The following NSA2 variants were observed in gnomAD, a reference collection of about 807,000 sequenced individuals.
The protein encoded by NSA2 is ribosome biogenesis protein NSA2 homolog.
Under a neutral mutation model 34.8 loss-of-function variants are expected in NSA2, and 18 were observed. The observed-to-expected ratio is 0.52, with a 90% CI of 0.36 to 0.77. The LOEUF (loss-of-function observed/expected upper bound fraction) is 0.77. Ranked by LOEUF, NSA2 falls within the 30% of genes least tolerant of loss-of-function variation. The probability of loss-of-function intolerance (pLI) is 0.00; values close to 1 mark genes in which losing one functional copy is unlikely to be tolerated. For synonymous variants in NSA2, 79 were observed against 100.2 expected (o/e 0.79, Z 1.26); for missense variants, 188 against 314.7 (o/e 0.60, Z 3.05).
Position 74,769,017 on chromosome 5 carries a change from A to T in NSA2, c.90A>T (p.Arg30=), listed in dbSNP as rs1243903145. 1 of 1,611,756 alleles carries T rather than the reference A, an allele frequency of 6.2e-7. No individual in the cohort carries two copies. The change falls in exon 2 of 6, where the codon CGA becomes CGT. Residue 30 remains arginine, a synonymous_variant. Coordinates refer to ENST00000610426, the MANE Select transcript of NSA2 (RefSeq NM_014886.6). Reference sequence around the variant, plus strand: ...AGAAAAAGAGAAAGAAGGAAAGTCGAGAGGCTCATGAACGTTCAAAGAAGG... The same window carrying T: ...AGAAAAAGAGAAAGAAGGAAAGTCGTGAGGCTCATGAACGTTCAAAGAAGG... ...YHEKKRKKES[R]EAHERSKKAK...
chr5:74,778,326 G>A lies in NSA2; in HGVS notation c.*1655G>A, dbSNP rs1745225712. On this transcript the variant is annotated 3_prime_UTR_variant, in exon 6 of 6. Transcript: ENST00000610426. ...TTAAGATCTGTTTCAGTTTGCTGGT[G>A]TGACCAAACCTTAGAAGGTAATCCC... The A allele has an allele frequency of 6.6e-6, 1 of 151,980 alleles. No individual in the cohort carries two copies. Among genetic ancestry groups the A allele is most frequent in the African/African-American group, 2.4e-5 (1 of 41,408 alleles). 9.4% of individuals were successfully genotyped at this position (151,980 alleles called of 1,614,324 possible). A position where few individuals can be genotyped will look rare whatever the true frequency, so the allele number is the denominator to read the frequency against.
rs371333349 is a variant in NSA2 at position 74,769,376 on chromosome 5, C to T, written c.342+12C>T. 6.3e-6 allele frequency: 10 copies of T among 1,577,660 alleles called. No individual in the cohort carries two copies. The highest frequency in any genetic ancestry group is 1.4e-5 in the African/African-American group (1 of 72,680). ...GAAAAGAGAAGGCGGTAAGCAATAA[C>T]AATTGAAGTCTTTGTTTTGTTTAGG... is the stretch of plus-strand genomic sequence containing the variant. On this transcript the variant is annotated intron_variant, in intron 3 of 5. Transcript: ENST00000610426.
At chr5:74,772,972 G>C (rs1270000001) in intron 4 of NSA2, among the ~76,000 whole-genome samples, 1 of 152,158 alleles carries the variant, frequency 6.6e-6, no homozygotes, top group Non-Finnish European at 1.5e-5. Context: ...CTGTAACAAA[G>C]ACTCCTCTGG....
intron 4 of NSA2, among the ~76,000 whole-genome samples, chr5:74,773,530 C>T (rs1281179369): frequency 1.3e-5 from 2 of 151,246 alleles, no homozygotes; most frequent in African/African-American, 4.9e-5. Context: ...GTCCCAGCTA[C>T]TCAGGAGCCT....
intron 3 of NSA2, among the ~76,000 whole-genome samples, chr5:74,769,988 C>G (rs1195274594): frequency 6.6e-6 from 1 of 152,164 alleles, no homozygotes; most frequent in African/African-American, 2.4e-5. Flanking sequence ...TGGAAACACT[C>G]TTCCAGTATT....
Position 74,767,307 on chromosome 5 carries a change from T to A in NSA2, c.-54T>A. 1.9e-6 allele frequency: 3 copies of A among 1,611,924 alleles called. No homozygotes were observed. Among genetic ancestry groups the A allele is most frequent in the Non-Finnish European group, 2.5e-6 (3 of 1,178,352 alleles). On this transcript the variant is annotated 5_prime_UTR_variant, in exon 1 of 6. Transcript: ENST00000610426. Reference sequence around the variant, plus strand: ...TTGTGGGTCTTTGAGACCCGAAAATTGAGAGCGTTTTCGCACTCCAGCGGC... The same window carrying A: ...TTGTGGGTCTTTGAGACCCGAAAATAGAGAGCGTTTTCGCACTCCAGCGGC...
intron 5 of NSA2, among the ~76,000 whole-genome samples, chr5:74,776,381 G>A (rs1434179514): frequency 6.6e-6 from 1 of 152,124 alleles, no homozygotes; most frequent in Admixed American, 6.6e-5. Flanking sequence ...GCGTGTGCCT[G>A]TGGTCCCAGC....
chr5:74,771,032 C>A (rs1485939300), intron 4 of NSA2, among the ~76,000 whole-genome samples: 1 of 152,148 alleles, frequency 6.6e-6, no homozygotes, highest in Non-Finnish European at 1.5e-5. Flanking sequence ...AATCCCAGCA[C>A]TTTGGGAGGT....
At chr5:74,775,644 T>G (rs954501423) in intron 5 of NSA2, among the ~76,000 whole-genome samples, 6 of 151,972 alleles carry the variant, frequency 3.9e-5, no homozygotes, top group Non-Finnish European at 2.9e-5. Flanking sequence ...TTGATCTTTT[T>G]TAATAAAAAT....
Position 74,778,264 on chromosome 5 carries a change from A to G in NSA2, c.*1593A>G, listed in dbSNP as rs1468765492. 2 of 152,064 alleles carry G rather than the reference A, an allele frequency of 1.3e-5. No homozygotes were observed. The highest frequency in any genetic ancestry group is 2.1e-4 in the South Asian group (1 of 4,836). The allele number at this position is 152,064 out of a possible 1,614,324, so 9.4% of individuals were successfully genotyped here. A position where few individuals can be genotyped will look rare whatever the true frequency, so the allele number is the denominator to read the frequency against. Reference sequence around the variant, plus strand: ...GAAACATTTTTCAAAATACTGTAACACAGATGAGTAATATTAGTATAAATT... The same window carrying G: ...GAAACATTTTTCAAAATACTGTAACGCAGATGAGTAATATTAGTATAAATT... On this transcript the variant is annotated 3_prime_UTR_variant, in exon 6 of 6. Transcript: ENST00000610426.
intron 1 of NSA2, among the ~76,000 whole-genome samples, 178 bp downstream of exon 1, chr5:74,767,541 G>GAC (rs1744725309): frequency 6.6e-6 from 1 of 152,204 alleles, no homozygotes; most frequent in Non-Finnish European, 1.5e-5. Context: ...TCACATTCGA[G>GAC]ACACAGACGG....
At chr5:74,768,491 G>C (rs1487717528) in intron 1 of NSA2, among the ~76,000 whole-genome samples, 1 of 152,152 alleles carries the variant, frequency 6.6e-6, no homozygotes, top group African/African-American at 2.4e-5. Flanking sequence ...GAAATTCTTT[G>C]TATTTTGATT....
At chr5:74,771,130 A>C (rs559232384) in intron 4 of NSA2, among the ~76,000 whole-genome samples, 23 of 152,276 alleles carry the variant, frequency 1.5e-4, no homozygotes, top group African/African-American at 4.8e-4. Context: ...AATACAAAAA[A>C]TAAGCTGGGC....
chr5:74,775,663 A>G (rs1018124659), intron 5 of NSA2, among the ~76,000 whole-genome samples: 8 of 151,560 alleles, frequency 5.3e-5, no homozygotes, highest in African/African-American at 1.9e-4. Context: ...ATTCTTTATT[A>G]CAAGGGAAGC....
At chr5:74,774,100 G>A in intron 5 of NSA2, 40 bp downstream of exon 5, 1 of 1,377,598 alleles carries the variant, frequency 7.3e-7, no homozygotes, top group African/African-American at 1.4e-5. Context: ...GTGTTCTGCA[G>A]TACTAATAGA....
At position 74,769,130 on chromosome 5, in the gene NSA2, CATTT is replaced by C. The variant is rs769805703; in HGVS notation, c.191+17_191+20del. ...CAAATGAAAAAGACGTAAGTGGTCT[CATTT>C]ATTTGTCATAACAAGTTAACATCTT... On this transcript the variant is annotated intron_variant, in intron 2 of 5. Coordinates refer to ENST00000610426, the MANE Select transcript of NSA2 (RefSeq NM_014886.6). 31 of 1,598,738 alleles carry C rather than the reference CATTT, an allele frequency of 1.9e-5. No homozygotes were observed. Among genetic ancestry groups the C allele is most frequent in the South Asian group, 3.4e-5 (3 of 87,840 alleles).
chr5:74,779,073 G>A lies in NSA2; in HGVS notation c.*2402G>A, dbSNP rs1295429767. On this transcript the variant is annotated 3_prime_UTR_variant, in exon 6 of 6. Coordinates refer to ENST00000610426, the MANE Select transcript of NSA2 (RefSeq NM_014886.6). ...CCCCAAAATAACAATTTCTGTCAGA[G>A]AGAATCTGTAACAGAAGTGTTCTTG... is the stretch of plus-strand genomic sequence containing the variant. 6.6e-6 allele frequency: 1 copy of A among 152,028 alleles called. No homozygotes were observed. The highest frequency in any genetic ancestry group is 1.5e-5 in the Non-Finnish European group (1 of 67,944). 9.4% of individuals were successfully genotyped at this position (152,028 alleles called of 1,614,324 possible).
chr5:74,769,476 C>A, intron 3 of NSA2, 112 bp downstream of exon 3: 1 of 810,532 alleles, frequency 1.2e-6, no homozygotes, highest in East Asian at 2.9e-5. Flanking sequence ...CTATTATTCC[C>A]ATTATTTAGA....
At chr5:74,767,903 T>C (rs568889003) in intron 1 of NSA2, among the ~76,000 whole-genome samples, 2 of 152,340 alleles carry the variant, frequency 1.3e-5, no homozygotes, top group South Asian at 4.1e-4. Context: ...ACCCTTCATG[T>C]GATTGCTGCA....
Sources: gnomAD v4.1 joint callset for allele counts (sites outside exome capture counted in the v4.1 genomes callset) on GRCh38, gnomAD v4.1.1 for gene constraint, MANE v1.5 for transcripts, NCBI Gene and HGNC (gene_info 2026-07-23, HGNC 2026-07-21) for gene names.